Variants in UGT1A8 observed in about 807,000 individuals in gnomAD.
UGT1A8 encodes the protein UDP glucuronosyltransferase family 1 member A8.
Under a neutral mutation model 45.3 loss-of-function variants are expected in UGT1A8, and 39 were observed. The ratio of observed to expected loss-of-function variants is 0.86; its 90% CI spans 0.67 to 1.12. UGT1A8 has a LOEUF of 1.12. Among genes scored for constraint, UGT1A8 ranks in the 50% most tolerant of loss-of-function variants. The probability of loss-of-function intolerance (pLI) is 0.00; values close to 1 mark genes in which losing one functional copy is unlikely to be tolerated. For missense variants in UGT1A8, 719 were observed against 664.9 expected (o/e 1.08, Z -0.90); for synonymous variants, 275 against 249.2 (o/e 1.10, Z -0.97).
intron 1 of UGT1A8, among the ~76,000 whole-genome samples, chr2:233,725,748 A>G (rs530176387): frequency 3.9e-5 from 6 of 152,300 alleles, no homozygotes; most frequent in African/African-American, 1.4e-4. Context: ...ACATTGTAAG[A>G]GACTTACATT....
At position 233,617,818 on chromosome 2, in the gene UGT1A8, C is replaced by T; in HGVS notation, c.111C>T (p.His37=). ...KLLVVPMDGS[H]WFTMQSVVEK... ...TGGTAGTGCCCATGGATGGGAGTCA[C>T]TGGTTCACCATGCAGTCGGTGGTGG... The change falls in exon 1 of 5, where the codon CAC becomes CAT. Residue 37 remains histidine, a synonymous_variant. Coordinates refer to ENST00000373450, the MANE Select transcript of UGT1A8 (RefSeq NM_019076.5). The T allele has an allele frequency of 6.2e-7, 1 of 1,614,096 alleles. No homozygotes were observed. The highest frequency in any genetic ancestry group is 1.3e-5 in the African/African-American group (1 of 75,028).
At chr2:233,665,071 AG>A in intron 1 of UGT1A8, among the ~76,000 whole-genome samples, 1 of 152,230 alleles carries the variant, frequency 6.6e-6, no homozygotes, top group Non-Finnish European at 1.5e-5. Flanking sequence ...ATGCATATGC[AG>A]ATATCTAATG....
At chr2:233,685,063 CAGG>C (rs1371884049) in intron 1 of UGT1A8, among the ~76,000 whole-genome samples, 1 of 152,106 alleles carries the variant, frequency 6.6e-6, no homozygotes, top group African/African-American at 2.4e-5. Context: ...AAGCTCTGCA[CAGG>C]AGATTTTTTT....
chr2:233,635,525 G>GA (rs1353193706), intron 1 of UGT1A8, among the ~76,000 whole-genome samples: 2 of 150,634 alleles, frequency 1.3e-5, no homozygotes, highest in African/African-American at 4.9e-5. Flanking sequence ...ATTCATGAGG[G>GA]ATCCATGCCC....
chr2:233,651,158 G>A (rs975710081), intron 1 of UGT1A8, among the ~76,000 whole-genome samples: 1 of 152,150 alleles, frequency 6.6e-6, no homozygotes, highest in African/African-American at 2.4e-5. Flanking sequence ...ACTTTTCAAA[G>A]TGCTTCTCTC....
At chr2:233,665,968 G>A (rs2074069089) in intron 1 of UGT1A8, among the ~76,000 whole-genome samples, 3 of 152,128 alleles carry the variant, frequency 2.0e-5, no homozygotes, top group South Asian at 4.1e-4. Flanking sequence ...TTTGCATTGC[G>A]ATAAAGGAAT....
At chr2:233,739,280 A>G (rs1046520383) in intron 1 of UGT1A8, among the ~76,000 whole-genome samples, 11 of 152,210 alleles carry the variant, frequency 7.2e-5, no homozygotes, top group African/African-American at 2.7e-4. Context: ...GCCCCCACAC[A>G]GAGTCTCCAC....
At chr2:233,719,170 T>C (rs2076733024) in intron 1 of UGT1A8, 8 of 1,614,246 alleles carry the variant, frequency 5.0e-6, no homozygotes, top group Non-Finnish European at 5.9e-6. Flanking sequence ...ATGGCAATTA[T>C]GAACAATGTA....
intron 1 of UGT1A8, chr2:233,760,342 G>C (rs2125982896): frequency 6.2e-7 from 1 of 1,614,102 alleles, no homozygotes; most frequent in East Asian, 2.2e-5. Flanking sequence ...GCTGCTGTGT[G>C]TGCTGGGCCC....
chr2:233,746,760 G>A (rs1693469059), intron 1 of UGT1A8, among the ~76,000 whole-genome samples: 1 of 151,816 alleles, frequency 6.6e-6, no homozygotes, highest in South Asian at 2.1e-4. Context: ...AGATTAATTG[G>A]ATTGCTTAGT....
Position 233,618,344 on chromosome 2 carries a change from C to G in UGT1A8, c.637C>G (p.His213Asp), listed in dbSNP as rs757869908. Residue 213 changes from histidine (H) to aspartate (D), a missense_variant, in exon 1 of 5, where the codon CAC (histidine) becomes GAC (aspartate). Transcript: ENST00000373450. ...FKERVRNHIM[H>D]LEEHLFCQYF... Reference sequence around the variant, plus strand: ...GGAGAGAGTACGGAACCACATCATGCACTTGGAGGAACATTTATTTTGCCA... The same window carrying G: ...GGAGAGAGTACGGAACCACATCATGGACTTGGAGGAACATTTATTTTGCCA... 3 of 1,613,910 alleles carry G rather than the reference C, an allele frequency of 1.9e-6. No individual in the cohort carries two copies. The South Asian group carries it at 3.3e-5, about 18-fold the overall frequency.
intron 1 of UGT1A8, among the ~76,000 whole-genome samples, chr2:233,730,937 T>C (rs2125759444): frequency 6.6e-6 from 1 of 152,268 alleles, no homozygotes; most frequent in Admixed American, 6.5e-5. Flanking sequence ...TAATCCAGAA[T>C]ATTTGGGTTT....
chr2:233,666,773 A>T (rs1683580665), intron 1 of UGT1A8, among the ~76,000 whole-genome samples: 1 of 150,212 alleles, frequency 6.7e-6, no homozygotes, highest in Admixed American at 6.6e-5. Flanking sequence ...AACCTTAGGT[A>T]TCTCTCCTAA....
rs753056825 is a variant in UGT1A8 at position 233,767,178 on chromosome 2, T to C, written c.987+13T>C. 16 of 1,614,056 alleles carry C rather than the reference T, an allele frequency of 9.9e-6. No homozygotes were observed. Among genetic ancestry groups the C allele is most frequent in the Non-Finnish European group, 1.4e-5 (16 of 1,180,000 alleles). On this transcript the variant is annotated intron_variant, in intron 2 of 4. Coordinates refer to ENST00000373450, the MANE Select transcript of UGT1A8 (RefSeq NM_019076.5). ...AATCCCTCAGACAGTAAGAAGATTCTATACCATGGCCTCATATCTATTTTC... is the reference window on the plus strand; with the variant it reads ...AATCCCTCAGACAGTAAGAAGATTCCATACCATGGCCTCATATCTATTTTC...
At chr2:233,715,990 C>G (rs1207588761) in intron 1 of UGT1A8, among the ~76,000 whole-genome samples, 3 of 152,156 alleles carry the variant, frequency 2.0e-5, no homozygotes, top group Non-Finnish European at 4.4e-5. Context: ...TAAAACACAA[C>G]AAAACCCAAA....
intron 1 of UGT1A8, chr2:233,691,227 C>T (rs1202389398): frequency 2.0e-6 from 2 of 985,416 alleles, no homozygotes; most frequent in African/African-American, 3.5e-5. Context: ...TTCCTGGAGT[C>T]TTATTGCTAT....
At chr2:233,760,823 T>G in intron 1 of UGT1A8, 1 of 1,613,528 alleles carries the variant, frequency 6.2e-7, no homozygotes, top group Non-Finnish European at 8.5e-7. Context: ...CCATGCAGCC[T>G]GGAATTTGAG....
chr2:233,655,379 C>T (rs747108141), intron 1 of UGT1A8, among the ~76,000 whole-genome samples: 13 of 152,140 alleles, frequency 8.5e-5, no homozygotes, highest in Non-Finnish European at 1.6e-4. Flanking sequence ...ACTCTTCATT[C>T]CCCAAGGAGC....
intron 1 of UGT1A8, among the ~76,000 whole-genome samples, chr2:233,735,526 GT>G (rs2078663821): frequency 6.6e-6 from 1 of 152,088 alleles, no homozygotes. Flanking sequence ...GGTAAATATT[GT>G]TATGAGTGAA....
Sources: allele counts gnomAD v4.1 joint callset (sites outside exome capture counted in the v4.1 genomes callset), GRCh38; gene constraint gnomAD v4.1.1; transcripts MANE v1.5; gene names NCBI Gene and HGNC (gene_info 2026-07-23, HGNC 2026-07-21).